THSD4: variants seen among roughly 807,000 people sequenced by gnomAD.
THSD4 encodes the protein thrombospondin type-1 domain-containing protein 4.
Under a neutral mutation model 119.0 loss-of-function variants are expected in THSD4, and 69 were observed. The ratio of observed to expected loss-of-function variants is 0.58; its 90% CI spans 0.48 to 0.71. The LOEUF (loss-of-function observed/expected upper bound fraction) is 0.71. THSD4 is among the 30% of genes least tolerant of loss of function. The probability of loss-of-function intolerance (pLI) is 0.00; values close to 1 mark genes in which losing one functional copy is unlikely to be tolerated. For synonymous variants in THSD4, 524 were observed against 540.4 expected (o/e 0.97, Z 0.42); for missense variants, 1,393 against 1,391.1 (o/e 1.00, Z -0.02).
intron 6 of THSD4, among the ~76,000 whole-genome samples, chr15:71,373,923 C>A (rs906550652): frequency 1.3e-5 from 2 of 152,208 alleles, no homozygotes; most frequent in African/African-American, 4.8e-5. Flanking sequence ...TTTAAAAATT[C>A]TGAAACTGCT....
At chr15:71,625,162 A>AC (rs2050485060) in intron 7 of THSD4, among the ~76,000 whole-genome samples, 1 of 151,318 alleles carries the variant, frequency 6.6e-6, no homozygotes, top group Admixed American at 6.6e-5. Context: ...ATGCACTACC[A>AC]CCCCCCGGCT....
chr15:71,658,209 C>G (rs1275989544), intron 7 of THSD4, among the ~76,000 whole-genome samples: 1 of 152,188 alleles, frequency 6.6e-6, no homozygotes, highest in Non-Finnish European at 1.5e-5. Context: ...GGATGAAAAT[C>G]TAATTCTTCA....
At chr15:71,163,748 A>G (rs2043266744) in intron 3 of THSD4, among the ~76,000 whole-genome samples, 1 of 150,674 alleles carries the variant, frequency 6.6e-6, no homozygotes, top group Non-Finnish European at 1.5e-5. Flanking sequence ...AGCAGTCCAT[A>G]TTTAGATAAA....
intron 7 of THSD4, among the ~76,000 whole-genome samples, chr15:71,549,009 C>T (rs1268344850): frequency 2.6e-5 from 4 of 152,196 alleles, no homozygotes; most frequent in East Asian, 1.9e-4. Flanking sequence ...GGGAAGGCCA[C>T]GCCGGAATCT....
rs559276595 is a variant in THSD4, at chr15:71,155,092, G to A, written c.99+160G>A. On this transcript the variant is annotated intron_variant, in intron 3 of 17. Coordinates refer to ENST00000261862, the MANE Select transcript of THSD4 (RefSeq NM_024817.3). Reference sequence around the variant, plus strand: ...GAGTGTACTATTCTGTTCTCACATTGCTATAAAGAAATATCTGAAACTGGG... The same window carrying A: ...GAGTGTACTATTCTGTTCTCACATTACTATAAAGAAATATCTGAAACTGGG... Among the ~76,000 whole-genome samples, 12 of 152,288 alleles carry A rather than the reference G, an allele frequency of 7.9e-5. No individual in the cohort carries two copies. In the South Asian group the frequency reaches 1.9e-3, roughly 24 times the overall value.
At chr15:71,371,469 G>A (rs1379372157) in intron 6 of THSD4, among the ~76,000 whole-genome samples, 5 of 152,128 alleles carry the variant, frequency 3.3e-5, no homozygotes, top group African/African-American at 9.7e-5. Context: ...TTTAGGGCAG[G>A]CCTGGTGGTG....
At chr15:71,191,036 T>C (rs2043667536) in intron 3 of THSD4, among the ~76,000 whole-genome samples, 1 of 152,204 alleles carries the variant, frequency 6.6e-6, no homozygotes, top group South Asian at 2.1e-4. Context: ...CCCTGAATCA[T>C]CCGACTCTGT....
intron 16 of THSD4, among the ~76,000 whole-genome samples, chr15:71,766,007 C>T (rs1336319236): frequency 6.6e-6 from 1 of 152,110 alleles, no homozygotes; most frequent in African/African-American, 2.4e-5. Context: ...CTACTTTTAT[C>T]TTCCTTTAGT....
chr15:71,727,918 G>A (rs1235130602), intron 8 of THSD4, among the ~76,000 whole-genome samples: 4 of 152,108 alleles, frequency 2.6e-5, no homozygotes, highest in South Asian at 2.1e-4. Flanking sequence ...GCAACAGGGA[G>A]GGGTGGGGAC....
In THSD4 at chr15:71,712,593, T is replaced by A. The variant is rs566021066; in HGVS notation, c.1358-15956T>A. Reference sequence around the variant, plus strand: ...AGTGAAATTTAAGACAGAAAAACAATAGAGAAAATTAAGAAACAAAATACT... The same window carrying A: ...AGTGAAATTTAAGACAGAAAAACAAAAGAGAAAATTAAGAAACAAAATACT... On this transcript the variant is annotated intron_variant, in intron 8 of 17. Coordinates refer to ENST00000261862, the MANE Select transcript of THSD4 (RefSeq NM_024817.3). Among the ~76,000 whole-genome samples, 46 of 152,174 alleles carry A rather than the reference T, an allele frequency of 3.0e-4. 1 individual carries two copies. The highest frequency in any genetic ancestry group is 2.4e-3 in the Admixed American group (36 of 15,294).
At chr15:71,399,747 T>C (rs1383450099) in intron 6 of THSD4, among the ~76,000 whole-genome samples, 2 of 152,158 alleles carry the variant, frequency 1.3e-5, no homozygotes, top group Non-Finnish European at 2.9e-5. Context: ...TGAACCTTCT[T>C]GGGCTCCATA....
intron 7 of THSD4, among the ~76,000 whole-genome samples, chr15:71,565,533 A>G (rs927023187): frequency 2.6e-4 from 39 of 152,208 alleles, no homozygotes; most frequent in African/African-American, 8.9e-4. Context: ...AAAGTACATA[A>G]TAAGTTGCTA....
intron 12 of THSD4, among the ~76,000 whole-genome samples, chr15:71,745,802 G>A (rs547504580): frequency 4.6e-5 from 7 of 152,182 alleles, no homozygotes; most frequent in African/African-American, 1.7e-4. Context: ...ACATTACCAC[G>A]CCTGGCTAAT....
chr15:71,119,336 GT>G (rs2040389521), intron 1 of THSD4, among the ~76,000 whole-genome samples: 3 of 152,308 alleles, frequency 2.0e-5, no homozygotes, highest in Non-Finnish European at 1.5e-5. Context: ...GAGAACTGGC[GT>G]TTTTAAGATT....
At chr15:71,737,233 T>C (rs2053131224) in intron 10 of THSD4, among the ~76,000 whole-genome samples, 2 of 152,256 alleles carry the variant, frequency 1.3e-5, no homozygotes, top group South Asian at 2.1e-4. Context: ...TCAAAGGGTA[T>C]GTGCATTTCA....
At chr15:71,773,409 CA>C in intron 17 of THSD4, among the ~76,000 whole-genome samples, 1 of 152,226 alleles carries the variant, frequency 6.6e-6, no homozygotes, top group African/African-American at 2.4e-5. Context: ...CTCACTATGT[CA>C]AAGGCTTCTA....
chr15:71,358,745 G>GTCA (rs1291488086), intron 6 of THSD4, among the ~76,000 whole-genome samples: 1 of 152,230 alleles, frequency 6.6e-6, no homozygotes, highest in African/African-American at 2.4e-5. Flanking sequence ...CAGCACCGCT[G>GTCA]TCATCATCAT....
At chr15:71,478,825 G>C (rs531776789) in intron 7 of THSD4, among the ~76,000 whole-genome samples, 1 of 152,344 alleles carries the variant, frequency 6.6e-6, no homozygotes, top group African/African-American at 2.4e-5. Flanking sequence ...ACTGGGCAAA[G>C]TGTTCTGAGA....
chr15:71,736,865 A>T (rs2053122815), intron 10 of THSD4, among the ~76,000 whole-genome samples: 1 of 152,160 alleles, frequency 6.6e-6, no homozygotes, highest in Admixed American at 6.5e-5. Flanking sequence ...GGACTTGGCT[A>T]CTCTTTCAAA....
Sources: gnomAD v4.1 joint callset for allele counts (sites outside exome capture counted in the v4.1 genomes callset) on GRCh38, gnomAD v4.1.1 for gene constraint, MANE v1.5 for transcripts, NCBI Gene and HGNC (gene_info 2026-07-23, HGNC 2026-07-21) for gene names.